KAT6B: variants seen among roughly 807,000 people sequenced by gnomAD.
KAT6B encodes the protein lysine acetyltransferase 6B.
In KAT6B, 10 loss-of-function variants were observed where a neutral mutation model predicts 187.5. The ratio of observed to expected loss-of-function variants is 0.05; its 90% CI spans 0.03 to 0.09. KAT6B has a LOEUF of 0.09. KAT6B is among the 10% of genes least tolerant of loss of function. KAT6B has a pLI of 1.00. For missense variants in KAT6B, 1,952 were observed against 2,558.9 expected (o/e 0.76, Z 5.12); for synonymous variants, 861 against 926.8 (o/e 0.93, Z 1.29).
At chr10:74,856,737 G>A (rs1842850652) in intron 3 of KAT6B, among the ~76,000 whole-genome samples, 2 of 151,968 alleles carry the variant, frequency 1.3e-5, no homozygotes, top group Admixed American at 1.3e-4. Flanking sequence ...CGTTTCTACA[G>A]AAAATACAAA....
intron 3 of KAT6B, among the ~76,000 whole-genome samples, chr10:74,921,434 A>G (rs1848126138): frequency 6.6e-6 from 1 of 152,100 alleles, no homozygotes. Context: ...TTTAAAGTAT[A>G]GATGTTTTTA....
chr10:74,990,196 C>CAA (rs56300641), intron 13 of KAT6B, among the ~76,000 whole-genome samples: 1,333 of 39,468 alleles, frequency 0.034, 172 homozygotes, highest in Non-Finnish European at 0.047. Context: ...GACTCTGTCT[C>CAA]AAAAAAAAAA....
intron 7 of KAT6B, 123 bp from the exon 8 acceptor site, chr10:74,975,275 CA>C: frequency 1.3e-6 from 1 of 790,428 alleles, no homozygotes; most frequent in Non-Finnish European, 2.1e-6. Flanking sequence ...TGGTGGCACA[CA>C]CAAAAAATAC....
intron 13 of KAT6B, among the ~76,000 whole-genome samples, chr10:74,994,132 C>T (rs2133907213): frequency 6.6e-6 from 1 of 152,074 alleles, no homozygotes; most frequent in Admixed American, 6.6e-5. Flanking sequence ...TTTCTAATTC[C>T]ATTCTTTCTA....
chr10:74,848,710 A>G lies in KAT6B; in HGVS notation c.621+5232A>G, dbSNP rs374913781. ...AAGGCACCCAAAATGCCTAGTAGCC[A>G]TTTTAAAATAGTTTGAGTTTCTTAT... On this transcript the variant is annotated intron_variant, in intron 3 of 17. Coordinates refer to ENST00000287239, the MANE Select transcript of KAT6B (RefSeq NM_012330.4). 8.5e-5 allele frequency among the ~76,000 whole-genome samples: 13 copies of G among 152,260 alleles called. No homozygotes were observed. The East Asian group carries it at 2.1e-3, about 25-fold the overall frequency.
At chr10:74,944,592 G>A (rs1221188820) in intron 3 of KAT6B, among the ~76,000 whole-genome samples, 3 of 152,010 alleles carry the variant, frequency 2.0e-5, no homozygotes, top group African/African-American at 4.8e-5. Flanking sequence ...GGTGGATCAC[G>A]AGGTCAAGAG....
chr10:75,001,687 G>C (rs185215269), intron 13 of KAT6B, among the ~76,000 whole-genome samples: 9 of 152,172 alleles, frequency 5.9e-5, no homozygotes, highest in Non-Finnish European at 7.4e-5. Context: ...CAATTTAAGT[G>C]AAACTTAAGA....
At chr10:74,905,177 A>G (rs568761833) in intron 3 of KAT6B, among the ~76,000 whole-genome samples, 1 of 152,346 alleles carries the variant, frequency 6.6e-6, no homozygotes, top group Admixed American at 6.5e-5. Context: ...AAAAAAACAC[A>G]GATGTCCTTG....
At chr10:74,826,389 G>T (rs1236130153), upstream of KAT6B, among the ~76,000 whole-genome samples, 2 of 141,534 alleles carry the variant, frequency 1.4e-5, no homozygotes, top group African/African-American at 6.0e-5. Context: ...TGGTGCCGGA[G>T]GGGGGGATGA....
intron 3 of KAT6B, among the ~76,000 whole-genome samples, chr10:74,938,857 C>T (rs1849452137): frequency 1.3e-5 from 2 of 152,066 alleles, no homozygotes; most frequent in African/African-American, 4.8e-5. Context: ...GTGCCTCAGC[C>T]TCCTGAGTAG....
At chr10:74,891,112 AGCTGTGATCCTT>A (rs1845619322) in intron 3 of KAT6B, among the ~76,000 whole-genome samples, 1 of 152,268 alleles carries the variant, frequency 6.6e-6, no homozygotes, top group African/African-American at 2.4e-5. Flanking sequence ...CATTGGGGAA[AGCTGTGATCCTT>A]GTTACCTTTG....
At chr10:74,941,080 T>C (rs531368909) in intron 3 of KAT6B, among the ~76,000 whole-genome samples, 1 of 152,190 alleles carries the variant, frequency 6.6e-6, no homozygotes, top group African/African-American at 2.4e-5. Context: ...CAGGTTAAGA[T>C]TCTTCGCACC....
At chr10:74,856,871 A>T (rs1246778227) in intron 3 of KAT6B, among the ~76,000 whole-genome samples, 2 of 152,190 alleles carry the variant, frequency 1.3e-5, no homozygotes, top group Non-Finnish European at 2.9e-5. Flanking sequence ...ACTGCGCTCC[A>T]GCCTGGGTGA....
At chr10:74,952,807 C>T (rs1179536065) in intron 3 of KAT6B, among the ~76,000 whole-genome samples, 1 of 151,186 alleles carries the variant, frequency 6.6e-6, no homozygotes, top group East Asian at 1.9e-4. Flanking sequence ...CTGCCTCAGC[C>T]TCCTGAGTAG....
intron 13 of KAT6B, among the ~76,000 whole-genome samples, chr10:74,995,576 C>T (rs1272498766): frequency 6.6e-6 from 1 of 152,132 alleles, no homozygotes; most frequent in Non-Finnish European, 1.5e-5. Context: ...AATTTCTCCT[C>T]CTTTCTAACA....
In KAT6B at chr10:74,940,616, T is replaced by C. The variant is rs571896771; in HGVS notation, c.622-19354T>C. Among the ~76,000 whole-genome samples, 9 of 151,240 alleles carry C rather than the reference T, an allele frequency of 6.0e-5. No homozygotes were observed. The South Asian group carries it at 1.9e-3, about 32-fold the overall frequency. ...TCTTTCTTTAAAGAGAAGTTCTTGCTCTGTCGCCCAGGCTGGAGTGCAGTT... is the reference window on the plus strand; with the variant it reads ...TCTTTCTTTAAAGAGAAGTTCTTGCCCTGTCGCCCAGGCTGGAGTGCAGTT... On this transcript the variant is annotated intron_variant, in intron 3 of 17. Coordinates refer to ENST00000287239, the MANE Select transcript of KAT6B (RefSeq NM_012330.4).
At chr10:74,894,472 TATGGTAGTGTTA>T (rs1318456933) in intron 3 of KAT6B, among the ~76,000 whole-genome samples, 1 of 152,224 alleles carries the variant, frequency 6.6e-6, no homozygotes, top group African/African-American at 2.4e-5. Context: ...AAGTGTGTAG[TATGGTAGTGTTA>T]ACTGTATGCA....
chr10:74,839,965 A>G (rs1411973864), intron 2 of KAT6B, among the ~76,000 whole-genome samples: 1 of 152,238 alleles, frequency 6.6e-6, no homozygotes, highest in African/African-American at 2.4e-5. Flanking sequence ...CAGAATCAAG[A>G]TTCAAAACAA....
chr10:74,921,829 A>G (rs4465319), intron 3 of KAT6B, among the ~76,000 whole-genome samples: 149,404 of 152,352 alleles, frequency 0.98, 73,356 homozygotes, highest in East Asian at 1. Context: ...GATTTTTGTG[A>G]CAGCTCAGTT....
Sources: allele counts gnomAD v4.1 joint callset (sites outside exome capture counted in the v4.1 genomes callset), GRCh38; gene constraint gnomAD v4.1.1; transcripts MANE v1.5; gene names NCBI Gene and HGNC (gene_info 2026-07-23, HGNC 2026-07-21).